Variants in MCTP2 observed in about 807,000 individuals in gnomAD.
The protein encoded by MCTP2 is multiple C2 and transmembrane domain-containing protein 2.
A neutral mutation model predicts 111.6 loss-of-function variants in MCTP2; 132 were observed. The ratio of observed to expected loss-of-function variants is 1.18; its 90% CI spans 1.03 to 1.37. MCTP2 has a LOEUF of 1.37. MCTP2 is among the 40% of genes most tolerant of loss of function. The pLI, the probability that MCTP2 is intolerant of heterozygous loss-of-function variation, is 0.00. For missense variants in MCTP2, 1,183 were observed against 1,067.9 expected, an observed-to-expected ratio of 1.11 and a Z score of -1.50; for synonymous variants, 395 against 387.7, an observed-to-expected ratio of 1.02 and a Z score of -0.22.
intron 4 of MCTP2, among the ~76,000 whole-genome samples, chr15:94,328,319 G>A (rs190723543): frequency 2.5e-4 from 38 of 151,940 alleles, no homozygotes; most frequent in South Asian, 1.0e-3. Flanking sequence ...TAGTAGAGAC[G>A]GGGTTTCACT....
chr15:94,263,099 A>C (rs1347088205), intron 1 of MCTP2, among the ~76,000 whole-genome samples: 2 of 152,158 alleles, frequency 1.3e-5, no homozygotes, highest in Non-Finnish European at 2.9e-5. Context: ...AAAGAAGGAG[A>C]GTCAGACTCA....
chr15:94,307,263 G>A (rs1484227881), intron 2 of MCTP2, among the ~76,000 whole-genome samples: 1 of 152,218 alleles, frequency 6.6e-6, no homozygotes, highest in Non-Finnish European at 1.5e-5. Context: ...AGAAAGCAGA[G>A]TAGGTGCTGG....
intron 1 of MCTP2, among the ~76,000 whole-genome samples, chr15:94,284,522 T>C (rs2074657717): frequency 1.3e-5 from 2 of 152,216 alleles, no homozygotes; most frequent in Admixed American, 1.3e-4. Flanking sequence ...ACATTTATCA[T>C]TGTGGGTAAA....
chr15:94,360,113 G>C (rs2078844665), intron 10 of MCTP2, among the ~76,000 whole-genome samples: 2 of 152,050 alleles, frequency 1.3e-5, no homozygotes, highest in South Asian at 4.1e-4. Flanking sequence ...AACACCCCTA[G>C]GGGACCAGCA....
At chr15:94,253,624 A>C (rs908187663) in intron 1 of MCTP2, among the ~76,000 whole-genome samples, 3 of 151,872 alleles carry the variant, frequency 2.0e-5, no homozygotes, top group Admixed American at 2.0e-4. Flanking sequence ...TGCTTCTCCT[A>C]CTGTACTCTG....
At chr15:94,248,679 T>G (rs1030281489) in intron 1 of MCTP2, among the ~76,000 whole-genome samples, 2 of 152,214 alleles carry the variant, frequency 1.3e-5, no homozygotes, top group African/African-American at 2.4e-5. Context: ...TCCTCTACTT[T>G]AAGTCTAAAT....
chr15:94,325,073 A>G (rs2076796725), intron 4 of MCTP2, among the ~76,000 whole-genome samples: 1 of 152,190 alleles, frequency 6.6e-6, no homozygotes, highest in Non-Finnish European at 1.5e-5. Flanking sequence ...GCTGTGCCCT[A>G]CAGACATCAT....
At chr15:94,290,828 G>A (rs1265601422) in intron 1 of MCTP2, among the ~76,000 whole-genome samples, 1 of 152,208 alleles carries the variant, frequency 6.6e-6, no homozygotes, top group African/African-American at 2.4e-5. Flanking sequence ...ATTACATATT[G>A]ATTGAAGGGT....
intron 4 of MCTP2, among the ~76,000 whole-genome samples, chr15:94,322,874 G>T (rs1277227726): frequency 3.3e-5 from 5 of 152,166 alleles, no homozygotes; most frequent in African/African-American, 9.7e-5. Context: ...CCCAAGAAAG[G>T]ATGTTAGAAA....
At position 94,298,612 on chromosome 15, in the gene MCTP2, T is replaced by G; in HGVS notation, c.347T>G (p.Val116Gly). ...GAAGAAGCCAGTCACCTCCATGTGG[T>G]GGAAACAGACTCAGAGGAGGCCTAT... The part of the protein sequence containing the change: ...SQEEASHLHV[V>G]ETDSEEAYAS... The change falls in exon 2 of 23, where the codon GTG (valine) becomes GGG (glycine). Residue 116 changes from valine (V) to glycine (G), a missense_variant. Physicochemically the swap from Val to Gly is moderately radical, Grantham distance 109. Transcript: ENST00000357742. 1 of 1,614,064 alleles carries G rather than the reference T, an allele frequency of 6.2e-7. No individual in the cohort carries two copies.
At chr15:94,256,860 C>G (rs1191012003) in intron 1 of MCTP2, among the ~76,000 whole-genome samples, 1 of 152,176 alleles carries the variant, frequency 6.6e-6, no homozygotes, top group African/African-American at 2.4e-5. Flanking sequence ...TTCCACTGGT[C>G]TTCTTCCTTG....
At chr15:94,277,698 G>A (rs527473521) in intron 1 of MCTP2, among the ~76,000 whole-genome samples, 41 of 152,208 alleles carry the variant, frequency 2.7e-4, no homozygotes, top group African/African-American at 9.6e-4. Context: ...GGACAAAGCA[G>A]GGGATTTTTT....
Position 94,440,239 on chromosome 15 carries a change from T to G in MCTP2, c.2149T>G (p.Phe717Val). 6.2e-7 allele frequency: 1 copy of G among 1,614,126 alleles called. No homozygotes were observed. The highest frequency in any genetic ancestry group is 8.5e-7 in the Non-Finnish European group (1 of 1,179,978). Residue 717 changes from phenylalanine to valine, a missense_variant, in exon 18 of 23, where the codon TTT (phenylalanine) becomes GTT (valine). Physicochemically the swap from Phe to Val is conservative, Grantham distance 50. Coordinates refer to ENST00000357742, the MANE Select transcript of MCTP2 (RefSeq NM_001385001.1). Reference sequence around the variant, plus strand: ...GATCCCCTTGGCATTGTTGCTGATCTTTGTCTACAATTTCATCAGACCTGT... The same window carrying G: ...GATCCCCTTGGCATTGTTGCTGATCGTTGTCTACAATTTCATCAGACCTGT... ...YMIPLALLLI[F>V]VYNFIRPVKG...
chr15:94,379,120 G>A (rs1290982014), intron 12 of MCTP2, among the ~76,000 whole-genome samples: 4 of 151,556 alleles, frequency 2.6e-5, no homozygotes, highest in Non-Finnish European at 5.9e-5. Flanking sequence ...GATTGGAAGG[G>A]CACAGAGGGA....
chr15:94,276,934 T>G (rs2074247114), intron 1 of MCTP2, among the ~76,000 whole-genome samples: 1 of 124,662 alleles, frequency 8.0e-6, no homozygotes, highest in Admixed American at 8.8e-5. Context: ...TGTTACGTAT[T>G]GAGTTGGAAG....
chr15:94,245,484 A>C (rs9796567), intron 1 of MCTP2, among the ~76,000 whole-genome samples: 1 of 140,832 alleles, frequency 7.1e-6, no homozygotes, highest in Non-Finnish European at 1.5e-5. Flanking sequence ...GTATATATAC[A>C]TACATGTATG....
chr15:94,438,365 A>C (rs1286382517), intron 17 of MCTP2, among the ~76,000 whole-genome samples: 3 of 152,100 alleles, frequency 2.0e-5, no homozygotes, highest in African/African-American at 7.2e-5. Context: ...ATTCACATCA[A>C]ATTTAGGACA....
chr15:94,310,635 C>T (rs1357577284), intron 2 of MCTP2, among the ~76,000 whole-genome samples: 1 of 151,418 alleles, frequency 6.6e-6, no homozygotes, highest in Non-Finnish European at 1.5e-5. Flanking sequence ...TGTGAGAAGG[C>T]ATCTCTATAA....
intron 12 of MCTP2, among the ~76,000 whole-genome samples, chr15:94,371,138 A>G (rs2079463054): frequency 6.6e-6 from 1 of 150,866 alleles, no homozygotes; most frequent in Non-Finnish European, 1.5e-5. Flanking sequence ...AAAAAAAAAA[A>G]GTTCTCCTCA....
Sources: allele counts gnomAD v4.1 joint callset (sites outside exome capture counted in the v4.1 genomes callset), GRCh38; gene constraint gnomAD v4.1.1; transcripts MANE v1.5; gene names NCBI Gene and HGNC (gene_info 2026-07-23, HGNC 2026-07-21).